The following COG5 variants were observed in gnomAD, a reference collection of about 807,000 sequenced individuals.
The protein encoded by COG5 is conserved oligomeric Golgi complex subunit 5.
In COG5, 86 loss-of-function variants were observed where a neutral mutation model predicts 110.4. The observed-to-expected ratio is 0.78, with a 90% CI of 0.65 to 0.93. The LOEUF (loss-of-function observed/expected upper bound fraction) is 0.93, where lower values mean the gene tolerates loss of function less well. Among genes scored for constraint, COG5 ranks in the 40% least tolerant of loss-of-function variants. COG5 has a pLI of 0.00. For synonymous variants in COG5, 360 were observed against 334.6 expected, an observed-to-expected ratio of 1.08 and a Z score of -0.83; for missense variants, 1,077 against 987.0, an observed-to-expected ratio of 1.09 and a Z score of -1.22.
chr7:107,275,166 C>G (rs1431629048), intron 14 of COG5, among the ~76,000 whole-genome samples: 1 of 151,952 alleles, frequency 6.6e-6, no homozygotes, highest in Non-Finnish European at 1.5e-5. Flanking sequence ...CAAAAAGTGC[C>G]AGGCTATCTA....
At chr7:107,379,097 A>T (rs2129052395) in intron 7 of COG5, among the ~76,000 whole-genome samples, 1 of 152,342 alleles carries the variant, frequency 6.6e-6, no homozygotes, top group Non-Finnish European at 1.5e-5. Context: ...AAAAGCCAGA[A>T]GAGAGTGGGG....
At chr7:107,212,344 C>T (rs1458112198) in intron 19 of COG5, among the ~76,000 whole-genome samples, 2 of 152,190 alleles carry the variant, frequency 1.3e-5, no homozygotes, top group South Asian at 2.1e-4. Flanking sequence ...CATGAGAAGA[C>T]GACTAAGGTC....
At chr7:107,236,399 A>G in intron 18 of COG5, 51 bp downstream of exon 18, 2 of 1,270,810 alleles carry the variant, frequency 1.6e-6, no homozygotes, top group Non-Finnish European at 2.3e-6. Flanking sequence ...CATTTAATAG[A>G]TGATATTGAG....
intron 11 of COG5, among the ~76,000 whole-genome samples, chr7:107,316,657 CAAAAAAA>C (rs760555445): frequency 7.4e-4 from 56 of 75,910 alleles, no homozygotes; most frequent in Admixed American, 3.2e-3. Flanking sequence ...ACTAAAAATA[CAAAAAAA>C]AAAAAAAAAA....
intron 7 of COG5, among the ~76,000 whole-genome samples, chr7:107,400,474 T>C (rs1791345794): frequency 6.6e-6 from 1 of 152,172 alleles, no homozygotes; most frequent in African/African-American, 2.4e-5. Flanking sequence ...TATAGATTTA[T>C]ACAAGTACAA....
At position 107,220,624 on chromosome 7, in the gene COG5, A is replaced by C. The variant is rs955544742; in HGVS notation, c.2169-9399T>G. ...AACTGACATTCCCAGACAGCTCCCTAAACTCCAAATCCAGCCCATGATTCT... is the reference window on the plus strand; with the variant it reads ...AACTGACATTCCCAGACAGCTCCCTCAACTCCAAATCCAGCCCATGATTCT... On this transcript the variant is annotated intron_variant, in intron 19 of 21. Coordinates refer to ENST00000297135, the MANE Select transcript of COG5 (RefSeq NM_006348.5). 2.0e-5 allele frequency among the ~76,000 whole-genome samples: 3 copies of C among 152,144 alleles called. No individual in the cohort carries two copies. The South Asian group carries it at 6.2e-4, about 32-fold the overall frequency.
intron 6 of COG5, among the ~76,000 whole-genome samples, chr7:107,509,241 G>A (rs544998755): frequency 1.6e-4 from 24 of 152,294 alleles, no homozygotes; most frequent in African/African-American, 3.8e-4. Context: ...CAAGAACTAC[G>A]TGAAGAATGC....
intron 6 of COG5, among the ~76,000 whole-genome samples, chr7:107,509,549 G>A (rs900932342): frequency 3.9e-5 from 6 of 152,084 alleles, no homozygotes; most frequent in South Asian, 2.1e-4. Flanking sequence ...TACAGAGAAC[G>A]CCACAAAGAT....
chr7:107,321,578 T>G (rs1240629894), intron 11 of COG5, among the ~76,000 whole-genome samples: 1 of 152,158 alleles, frequency 6.6e-6, no homozygotes, highest in East Asian at 1.9e-4. Flanking sequence ...ACATAGACAT[T>G]CAGAAAAATG....
At chr7:107,309,255 C>T (rs1808003503) in intron 11 of COG5, among the ~76,000 whole-genome samples, 1 of 152,108 alleles carries the variant, frequency 6.6e-6, no homozygotes, top group African/African-American at 2.4e-5. Context: ...TCCCACACTA[C>T]ACACACAACA....
At chr7:107,507,969 G>C (rs1799155195) in intron 6 of COG5, among the ~76,000 whole-genome samples, 1 of 152,238 alleles carries the variant, frequency 6.6e-6, no homozygotes, top group Non-Finnish European at 1.5e-5. Context: ...GAAGACGGGT[G>C]ATTTCTGCAT....
intron 3 of COG5, among the ~76,000 whole-genome samples, chr7:107,553,790 T>A (rs1487202572): frequency 6.6e-6 from 1 of 152,100 alleles, no homozygotes; most frequent in African/African-American, 2.4e-5. Flanking sequence ...AGAAAAAAAA[T>A]TCATGCCTTC....
At chr7:107,548,220 G>C in intron 4 of COG5, 40 bp from the exon 5 acceptor site, 2 of 1,603,802 alleles carry the variant, frequency 1.2e-6, no homozygotes, top group Non-Finnish European at 8.5e-7. Flanking sequence ...ATCATTTTCA[G>C]AATATCAATG....
chr7:107,495,326 C>T (rs1798209464), intron 6 of COG5, among the ~76,000 whole-genome samples: 1 of 152,286 alleles, frequency 6.6e-6, no homozygotes, highest in South Asian at 2.1e-4. Context: ...TAAGGTACTA[C>T]ACTCCCAAAG....
chr7:107,351,552 C>A (rs1016607068), intron 10 of COG5, among the ~76,000 whole-genome samples: 233 of 152,196 alleles, frequency 1.5e-3, no homozygotes, highest in African/African-American at 5.0e-3. Flanking sequence ...ATTTTTGCAA[C>A]CTACTCATCT....
chr7:107,285,180 G>C (rs1805521306), intron 12 of COG5, among the ~76,000 whole-genome samples: 1 of 152,114 alleles, frequency 6.6e-6, no homozygotes, highest in African/African-American at 2.4e-5. Flanking sequence ...GAAATTGGCA[G>C]GTAAAATGCT....
chr7:107,318,012 T>C (rs1808907478), intron 11 of COG5, among the ~76,000 whole-genome samples: 2 of 152,162 alleles, frequency 1.3e-5, no homozygotes. Context: ...AGTATGCTAA[T>C]GGCTTTTTTC....
intron 6 of COG5, among the ~76,000 whole-genome samples, chr7:107,447,124 G>C (rs1414194584): frequency 1.3e-5 from 2 of 152,116 alleles, no homozygotes; most frequent in African/African-American, 4.8e-5. Context: ...TTTCCTTGCT[G>C]CCTGTCAGCT....
intron 6 of COG5, among the ~76,000 whole-genome samples, chr7:107,415,811 T>A (rs115786826): frequency 1.1e-5 from 1 of 90,190 alleles, no homozygotes; most frequent in African/African-American, 3.8e-5. Context: ...TGTGTATATA[T>A]ACACACATAC....
Sources: gnomAD v4.1 joint callset for allele counts (sites outside exome capture counted in the v4.1 genomes callset) on GRCh38, gnomAD v4.1.1 for gene constraint, MANE v1.5 for transcripts, NCBI Gene and HGNC (gene_info 2026-07-23, HGNC 2026-07-21) for gene names.